CPNE4: variants seen among roughly 807,000 people sequenced by gnomAD.
CPNE4 encodes copine-4.
A neutral mutation model predicts 67.9 loss-of-function variants in CPNE4; 25 were observed. The ratio of observed to expected loss-of-function variants is 0.37; its 90% CI spans 0.27 to 0.51. CPNE4 has a LOEUF of 0.51. Among genes scored for constraint, CPNE4 ranks in the 20% least tolerant of loss-of-function variants. The probability of loss-of-function intolerance (pLI) is 0.93; values close to 1 mark genes in which losing one functional copy is unlikely to be tolerated. For synonymous variants in CPNE4, 242 were observed against 244.9 expected, an observed-to-expected ratio of 0.99 and a Z score of 0.11; for missense variants, 464 against 690.8, an observed-to-expected ratio of 0.67 and a Z score of 3.68.
chr3:131,942,463 T>TGTGTGTGAGA (rs2071424814), intron 1 of CPNE4, among the ~76,000 whole-genome samples: 38 of 70,768 alleles, frequency 5.4e-4, no homozygotes, highest in African/African-American at 1.8e-3. Context: ...TGTGTGTGTG[T>TGTGTGTGAGA]GAGAGAGAGA....
intron 2 of CPNE4, among the ~76,000 whole-genome samples, chr3:131,742,654 G>A (rs2107781612): frequency 6.6e-6 from 1 of 151,944 alleles, no homozygotes; most frequent in African/African-American, 2.4e-5. Context: ...AATCAATAAA[G>A]TTAAAACCAG....
intron 7 of CPNE4, among the ~76,000 whole-genome samples, chr3:131,655,093 T>A (rs1286215823): frequency 6.6e-6 from 1 of 152,104 alleles, no homozygotes; most frequent in Non-Finnish European, 1.5e-5. Flanking sequence ...AATTTTAAGG[T>A]TGAGATGGGT....
At chr3:131,843,735 G>A (rs970757657) in intron 2 of CPNE4, among the ~76,000 whole-genome samples, 4 of 152,184 alleles carry the variant, frequency 2.6e-5, no homozygotes, top group African/African-American at 9.7e-5. Context: ...GGGTTCCTAT[G>A]AGGATGAAAT....
At chr3:131,844,393 A>C (rs2085914030) in intron 2 of CPNE4, among the ~76,000 whole-genome samples, 1 of 151,712 alleles carries the variant, frequency 6.6e-6, no homozygotes, top group African/African-American at 2.4e-5. Flanking sequence ...CAGCCTCCTG[A>C]GTAGCTGGGA....
chr3:132,001,600 A>AAAGT (rs2073448747), intron 1 of CPNE4, among the ~76,000 whole-genome samples: 2 of 151,222 alleles, frequency 1.3e-5, no homozygotes, highest in Admixed American at 1.3e-4. Context: ...AGAAAGAAAG[A>AAAGT]AAGAAAGAAA....
chr3:131,769,617 A>G (rs2083112731), intron 2 of CPNE4, among the ~76,000 whole-genome samples: 1 of 152,152 alleles, frequency 6.6e-6, no homozygotes, highest in Non-Finnish European at 1.5e-5. Context: ...GGAACAACTA[A>G]AAGGACAAGC....
chr3:131,643,720 A>T (rs7434246), intron 7 of CPNE4, among the ~76,000 whole-genome samples: 1 of 151,944 alleles, frequency 6.6e-6, no homozygotes, highest in African/African-American at 2.4e-5. Context: ...CTGGTGGGAG[A>T]TAATTGAATC....
chr3:131,744,591 C>G (rs2082440619), intron 2 of CPNE4, among the ~76,000 whole-genome samples: 1 of 152,186 alleles, frequency 6.6e-6, no homozygotes, highest in East Asian at 1.9e-4. Context: ...TCTCTCTATG[C>G]CTTCACCTAC....
At chr3:132,025,545 T>A (rs2074098993) in intron 1 of CPNE4, among the ~76,000 whole-genome samples, 1 of 152,222 alleles carries the variant, frequency 6.6e-6, no homozygotes, top group Non-Finnish European at 1.5e-5. Context: ...TGCTGATATC[T>A]ACCATACCTT....
intron 2 of CPNE4, among the ~76,000 whole-genome samples, chr3:131,903,329 TCTC>T (rs1164026690): frequency 1.3e-5 from 2 of 151,890 alleles, no homozygotes; most frequent in African/African-American, 2.4e-5. Context: ...TACATCCTCT[TCTC>T]CTCCCTATTT....
At chr3:131,996,201 T>C (rs978149674) in intron 1 of CPNE4, among the ~76,000 whole-genome samples, 5 of 152,190 alleles carry the variant, frequency 3.3e-5, no homozygotes, top group Admixed American at 3.3e-4. Flanking sequence ...CCACGTGTCT[T>C]CCTTTGGAGA....
chr3:131,955,410 G>GTTTTTTTTTTTTTTTTTTTTTTGTTT (rs2071921311), intron 1 of CPNE4, among the ~76,000 whole-genome samples: 2 of 42,266 alleles, frequency 4.7e-5, no homozygotes, highest in African/African-American at 1.9e-4. Flanking sequence ...TGTATGTAAG[G>GTTTTTTTTTTTTTTTTTTTTTTGTTT]TTTTTTTTTT....
chr3:131,758,454 T>C (rs910698760), intron 2 of CPNE4, among the ~76,000 whole-genome samples: 9 of 152,192 alleles, frequency 5.9e-5, no homozygotes, highest in African/African-American at 2.2e-4. Context: ...ATTTACTCAA[T>C]ACCTGTACCT....
intron 2 of CPNE4, among the ~76,000 whole-genome samples, chr3:131,763,546 A>T (rs780409084): frequency 7.4e-4 from 112 of 152,090 alleles, no homozygotes; most frequent in Non-Finnish European, 1.1e-3. Flanking sequence ...AGGCTAGCTA[A>T]TGAGGAGATT....
At chr3:131,788,779 T>A (rs925876316) in intron 2 of CPNE4, among the ~76,000 whole-genome samples, 1 of 152,002 alleles carries the variant, frequency 6.6e-6, no homozygotes, top group Non-Finnish European at 1.5e-5. Flanking sequence ...ATTAGAAAAT[T>A]CTGAGGCTAT....
intron 7 of CPNE4, among the ~76,000 whole-genome samples, chr3:131,638,223 G>A (rs991168582): frequency 6.6e-6 from 1 of 152,100 alleles, no homozygotes; most frequent in Non-Finnish European, 1.5e-5. Context: ...TGGCCTAAAT[G>A]TTCCACTTAA....
chr3:131,653,849 G>A (rs6439311), intron 7 of CPNE4, among the ~76,000 whole-genome samples: 29,632 of 152,056 alleles, frequency 0.19, 4,601 homozygotes, highest in African/African-American at 0.43. Flanking sequence ...CAACTTACAC[G>A]TCAGCAGAAT....
At chr3:131,566,431 GA>G (rs559494454) in intron 10 of CPNE4, among the ~76,000 whole-genome samples, 7,126 of 136,900 alleles carry the variant, frequency 0.052, 180 homozygotes, top group African/African-American at 0.067. Context: ...AACCCACCAG[GA>G]AAAAAAAAAA....
intron 10 of CPNE4, among the ~76,000 whole-genome samples, chr3:131,570,539 G>A (rs1232420686): frequency 2.0e-5 from 3 of 151,950 alleles, no homozygotes; most frequent in African/African-American, 7.2e-5. Context: ...TATTTTGTGT[G>A]TGAAATTCTA....
Sources: gnomAD v4.1 joint callset for allele counts (sites outside exome capture counted in the v4.1 genomes callset) on GRCh38, gnomAD v4.1.1 for gene constraint, MANE v1.5 for transcripts, NCBI Gene and HGNC (gene_info 2026-07-23, HGNC 2026-07-21) for gene names.